ZNF704: variants seen among roughly 807,000 people sequenced by gnomAD.
ZNF704 encodes the protein zinc finger protein 704, also known as glucocorticoid induced gene 1.
A neutral mutation model predicts 44.7 loss-of-function variants in ZNF704; 10 were observed. That is an observed-to-expected ratio of 0.22 (90% CI 0.14 to 0.38). The LOEUF (loss-of-function observed/expected upper bound fraction) is 0.38. Ranked by LOEUF, ZNF704 falls within the 10% of genes least tolerant of loss-of-function variation. ZNF704 has a pLI of 1.00. For synonymous variants in ZNF704, 211 were observed against 207.6 expected, an observed-to-expected ratio of 1.02 and a Z score of -0.14; for missense variants, 390 against 545.5, an observed-to-expected ratio of 0.71 and a Z score of 2.84.
At chr8:80,866,424 C>T (rs716350) in intron 1 of ZNF704, among the ~76,000 whole-genome samples, 1 of 151,896 alleles carries the variant, frequency 6.6e-6, no homozygotes, top group Non-Finnish European at 1.5e-5. Context: ...GAGGGAATGA[C>T]CAAAACATGG....
At chr8:80,731,190 T>C (rs73693882) in intron 2 of ZNF704, among the ~76,000 whole-genome samples, 6,227 of 152,236 alleles carry the variant, frequency 0.041, 448 homozygotes, top group African/African-American at 0.14. Flanking sequence ...CATACCAAAA[T>C]TTAGGGATCT....
chr8:80,751,377 A>C (rs1246344506), intron 2 of ZNF704, among the ~76,000 whole-genome samples: 4 of 152,212 alleles, frequency 2.6e-5, no homozygotes, highest in African/African-American at 9.6e-5. Flanking sequence ...AGTTTCTGTC[A>C]GTCTGCTTGG....
At chr8:80,716,386 A>G (rs573862314) in intron 2 of ZNF704, among the ~76,000 whole-genome samples, 1 of 152,354 alleles carries the variant, frequency 6.6e-6, no homozygotes, top group South Asian at 2.1e-4. Flanking sequence ...TGATAGGGTC[A>G]AAGGAAATCA....
At chr8:80,753,047 T>A (rs1430048433) in intron 2 of ZNF704, among the ~76,000 whole-genome samples, 1 of 152,244 alleles carries the variant, frequency 6.6e-6, no homozygotes, top group Non-Finnish European at 1.5e-5. Flanking sequence ...GATGTTTTTT[T>A]ATACCTTTTA....
intron 1 of ZNF704, among the ~76,000 whole-genome samples, chr8:80,858,849 A>C (rs2130029600): frequency 6.6e-6 from 1 of 152,330 alleles, no homozygotes; most frequent in African/African-American, 2.4e-5. Context: ...AATTCTTTGG[A>C]ATTTACTGAG....
chr8:80,859,873 A>C (rs771673586), intron 1 of ZNF704, among the ~76,000 whole-genome samples: 3 of 152,252 alleles, frequency 2.0e-5, no homozygotes, highest in Admixed American at 1.3e-4. Context: ...AACAGTGAGA[A>C]TGAGGCTTGC....
intron 1 of ZNF704, among the ~76,000 whole-genome samples, chr8:80,835,987 C>A (rs1375532573): frequency 1.3e-5 from 2 of 152,174 alleles, no homozygotes; most frequent in African/African-American, 4.8e-5. Context: ...TGGATCTGTA[C>A]AATAGTCTCC....
chr8:80,846,766 A>C (rs1808773906), intron 1 of ZNF704, among the ~76,000 whole-genome samples: 1 of 152,196 alleles, frequency 6.6e-6, no homozygotes, highest in Admixed American at 6.5e-5. Context: ...TCAAACTCCT[A>C]AGGAACTCCT....
At chr8:80,686,030 C>T (rs1818528854) in intron 4 of ZNF704, among the ~76,000 whole-genome samples, 1 of 152,216 alleles carries the variant, frequency 6.6e-6, no homozygotes, top group African/African-American at 2.4e-5. Flanking sequence ...AAAAATAATG[C>T]CAAATGTCTT....
chr8:80,667,064 A>C (rs1348842208), intron 5 of ZNF704, among the ~76,000 whole-genome samples: 2 of 152,148 alleles, frequency 1.3e-5, no homozygotes, highest in Non-Finnish European at 2.9e-5. Flanking sequence ...GCCTGGAGGA[A>C]GTGAGGGAGA....
intron 4 of ZNF704, among the ~76,000 whole-genome samples, chr8:80,681,985 G>GT (rs1238500221): frequency 6.6e-6 from 1 of 152,172 alleles, no homozygotes; most frequent in Admixed American, 6.5e-5. Context: ...TGACAATGCT[G>GT]TATGTACCAT....
At chr8:80,808,367 T>G (rs1336324465) in intron 2 of ZNF704, among the ~76,000 whole-genome samples, 1 of 152,232 alleles carries the variant, frequency 6.6e-6, no homozygotes, top group East Asian at 1.9e-4. Flanking sequence ...AAGATGGATT[T>G]GAGGCTTAAC....
chr8:80,816,884 T>G (rs1372868681), intron 2 of ZNF704, among the ~76,000 whole-genome samples: 1 of 152,154 alleles, frequency 6.6e-6, no homozygotes, highest in African/African-American at 2.4e-5. Context: ...AAAAAGAAAG[T>G]AGTGCTTTTC....
chr8:80,721,621 T>C (rs1384562204), intron 2 of ZNF704, among the ~76,000 whole-genome samples: 2 of 152,234 alleles, frequency 1.3e-5, no homozygotes, highest in Non-Finnish European at 2.9e-5. Flanking sequence ...CTTAAAACTT[T>C]TTAATATCCA....
At chr8:80,701,353 T>C (rs890880995) in intron 2 of ZNF704, among the ~76,000 whole-genome samples, 1 of 151,922 alleles carries the variant, frequency 6.6e-6, no homozygotes, top group Admixed American at 6.6e-5. Context: ...GCTCAGCTCC[T>C]GCCAACCCAA....
intron 2 of ZNF704, among the ~76,000 whole-genome samples, chr8:80,816,865 T>C (rs1337498402): frequency 6.6e-6 from 1 of 152,116 alleles, no homozygotes; most frequent in Non-Finnish European, 1.5e-5. Flanking sequence ...TTACTCCAAA[T>C]CACGCTCAAA....
At chr8:80,869,465 T>G (rs1231632698) in intron 1 of ZNF704, among the ~76,000 whole-genome samples, 1 of 152,200 alleles carries the variant, frequency 6.6e-6, no homozygotes, top group Non-Finnish European at 1.5e-5. Flanking sequence ...TGTCATCTGA[T>G]CATCACCCAA....
intron 4 of ZNF704, 61 bp downstream of exon 4, chr8:80,687,165 G>A (rs1328927767): frequency 2.7e-6 from 4 of 1,476,470 alleles, no homozygotes; most frequent in East Asian, 4.6e-5. Context: ...CGGCCCTTCA[G>A]AGGGGACAGA....
intron 2 of ZNF704, among the ~76,000 whole-genome samples, chr8:80,763,547 G>A (rs559017348): frequency 2.0e-5 from 3 of 152,132 alleles, no homozygotes; most frequent in Admixed American, 1.3e-4. Context: ...CACACAGCAG[G>A]GGGTCCTGGA....
Sources: gnomAD v4.1 joint callset for allele counts (sites outside exome capture counted in the v4.1 genomes callset) on GRCh38, gnomAD v4.1.1 for gene constraint, MANE v1.5 for transcripts, NCBI Gene and HGNC (gene_info 2026-07-23, HGNC 2026-07-21) for gene names.